The following DPP6 variants were observed in gnomAD, a reference collection of about 807,000 sequenced individuals.
The protein encoded by DPP6 is dipeptidyl peptidase like 6.
DPP6 carries 69 observed loss-of-function variants against 122.6 expected under a neutral mutation model. That is an observed-to-expected ratio of 0.56 (90% CI 0.46 to 0.69). The LOEUF (loss-of-function observed/expected upper bound fraction) is 0.69, where lower values mean the gene tolerates loss of function less well. Ranked by LOEUF, DPP6 falls within the 30% of genes least tolerant of loss-of-function variation. The probability of loss-of-function intolerance (pLI) is 0.00; values close to 1 mark genes in which losing one functional copy is unlikely to be tolerated. For synonymous variants in DPP6, 418 were observed against 433.1 expected (o/e 0.97, Z 0.43); for missense variants, 928 against 1,116.9 (o/e 0.83, Z 2.41).
chr7:154,338,003 T>C (rs1357708412), intron 1 of DPP6, among the ~76,000 whole-genome samples: 1 of 152,220 alleles, frequency 6.6e-6, no homozygotes, highest in Non-Finnish European at 1.5e-5. Context: ...TTGACTGCAT[T>C]TCTCACTGAG....
At chr7:154,236,414 G>A (rs1801215647) in intron 1 of DPP6, among the ~76,000 whole-genome samples, 1 of 152,084 alleles carries the variant, frequency 6.6e-6, no homozygotes, top group Non-Finnish European at 1.5e-5. Context: ...TGGCCAGAAA[G>A]CTCAGGTAAA....
intron 10 of DPP6, among the ~76,000 whole-genome samples, chr7:154,777,618 C>T (rs995980603): frequency 6.6e-6 from 1 of 152,128 alleles, no homozygotes; most frequent in South Asian, 2.1e-4. Context: ...AGTTGAGCTG[C>T]GTGTTGAGTT....
In DPP6 at chr7:154,624,283, C is replaced by T. The variant is rs1169497913; in HGVS notation, c.628-13538C>T. 1.3e-5 allele frequency among the ~76,000 whole-genome samples: 2 copies of T among 149,692 alleles called. No homozygotes were observed. The highest frequency in any genetic ancestry group is 2.5e-5 in the African/African-American group (1 of 40,412). On this transcript the variant is annotated intron_variant, in intron 5 of 25. Transcript: ENST00000377770. The surrounding 1 kb of genome is among the most constrained non-coding windows in gnomAD (Gnocchi z 4.7). ...CAGAGGTTGCAGTGAGCCAAGATCA[C>T]GTCACTGCACTCCAGCCAGGGCGAC...
At chr7:153,980,974 T>G (rs1409714114) in intron 1 of DPP6, among the ~76,000 whole-genome samples, 2 of 152,182 alleles carry the variant, frequency 1.3e-5, no homozygotes, top group Non-Finnish European at 2.9e-5. Flanking sequence ...AATTATGTGG[T>G]CAATTTTAGA....
chr7:154,536,767 C>A (rs1028454173), intron 3 of DPP6, among the ~76,000 whole-genome samples: 1 of 152,102 alleles, frequency 6.6e-6, no homozygotes, highest in Non-Finnish European at 1.5e-5. Flanking sequence ...AAAAAAAGTC[C>A]CATGTGACCC....
chr7:154,779,272 C>T (rs1189555308), intron 10 of DPP6, among the ~76,000 whole-genome samples: 5 of 86,626 alleles, frequency 5.8e-5, no homozygotes, highest in Non-Finnish European at 8.3e-5. Context: ...CCCCTATCAC[C>T]ACCTCCACCA....
chr7:154,801,274 G>T, intron 12 of DPP6, 81 bp from the exon 13 acceptor site: 16 of 1,520,736 alleles, frequency 1.1e-5, no homozygotes, highest in South Asian at 2.4e-5. Context: ...AATGTATCTC[G>T]GGGTGTATTT....
intron 1 of DPP6, among the ~76,000 whole-genome samples, chr7:154,123,530 T>C (rs1807648421): frequency 1.3e-5 from 2 of 152,150 alleles, no homozygotes; most frequent in Admixed American, 6.5e-5. Flanking sequence ...CTATTCTTCC[T>C]TGAGGGCTGT....
At chr7:153,976,394 A>G (rs1796303506) in intron 1 of DPP6, among the ~76,000 whole-genome samples, 1 of 152,202 alleles carries the variant, frequency 6.6e-6, no homozygotes, top group African/African-American at 2.4e-5. Flanking sequence ...AACCAACTGC[A>G]TACCACTCCA....
At chr7:154,069,637 T>C (rs3852277) in intron 1 of DPP6, among the ~76,000 whole-genome samples, 81,198 of 149,634 alleles carry the variant, frequency 0.54, 22,818 homozygotes, top group South Asian at 0.66. Context: ...TAATAACAAA[T>C]CAGTGTTCCT....
chr7:153,806,330 T>C, the DPP6 span, among the ~76,000 whole-genome samples: 2 of 151,974 alleles, frequency 1.3e-5, no homozygotes, highest in Non-Finnish European at 2.9e-5. Flanking sequence ...TTCTCTGCCT[T>C]CTCTGAATTC....
the DPP6 span, among the ~76,000 whole-genome samples, chr7:153,871,453 G>C: frequency 6.6e-6 from 1 of 152,342 alleles, no homozygotes; most frequent in East Asian, 1.9e-4. Context: ...TCCGAGCCAA[G>C]TGCGGGATAT....
chr7:153,872,883 A>G, the DPP6 span, among the ~76,000 whole-genome samples: 3 of 152,184 alleles, frequency 2.0e-5, no homozygotes, highest in Admixed American at 6.5e-5. Context: ...AGAATAACCA[A>G]CTACAATTGA....
chr7:153,886,680 G>A (rs910763359), upstream of DPP6, among the ~76,000 whole-genome samples: 2 of 152,162 alleles, frequency 1.3e-5, no homozygotes, highest in Non-Finnish European at 2.9e-5. Context: ...CCGCGGCGGC[G>A]GATGCAGAGG....
intron 2 of DPP6, among the ~76,000 whole-genome samples, chr7:154,472,409 C>G (rs1488425449): frequency 2.6e-5 from 4 of 151,980 alleles, no homozygotes; most frequent in African/African-American, 9.7e-5. Flanking sequence ...GTTTTTCTCT[C>G]TCCTTTATCT....
chr7:154,030,057 G>A (rs1799151364), intron 1 of DPP6, among the ~76,000 whole-genome samples: 1 of 152,044 alleles, frequency 6.6e-6, no homozygotes, highest in Admixed American at 6.6e-5. Context: ...TTAGCCAGGC[G>A]TGGCGGCGCA....
intron 16 of DPP6, among the ~76,000 whole-genome samples, chr7:154,849,908 A>G (rs1006508491): frequency 1.3e-4 from 20 of 152,204 alleles, no homozygotes; most frequent in Admixed American, 6.5e-5. Context: ...CTTTTTCTGC[A>G]TCTATTGCAA....
chr7:154,425,621 G>GT (rs1817836574), intron 1 of DPP6, among the ~76,000 whole-genome samples: 6 of 121,514 alleles, frequency 4.9e-5, no homozygotes, highest in African/African-American at 2.1e-4. Context: ...TGTGTGTGTG[G>GT]GTGTGTGTGT....
intron 5 of DPP6, among the ~76,000 whole-genome samples, chr7:154,621,215 T>A (rs909158739): frequency 6.6e-6 from 1 of 152,190 alleles, no homozygotes; most frequent in African/African-American, 2.4e-5. Context: ...ACGACATGAT[T>A]TGGAAGCCTG....
Sources: allele counts gnomAD v4.1 joint callset (sites outside exome capture counted in the v4.1 genomes callset), GRCh38; gene constraint gnomAD v4.1.1; non-coding constraint Gnocchi (gnomAD v3.1); transcripts MANE v1.5; gene names NCBI Gene and HGNC (gene_info 2026-07-23, HGNC 2026-07-21).